The following GNAO1 variants were observed in gnomAD, a reference collection of about 807,000 sequenced individuals.
The protein encoded by GNAO1 is guanine nucleotide-binding protein G(o) subunit alpha.
For synonymous variants in GNAO1, 164 were observed against 180.7 expected (o/e 0.91, Z 0.74); for missense variants, 166 against 478.7 (o/e 0.35, Z 6.10).
intron 2 of GNAO1, among the ~76,000 whole-genome samples, chr16:56,206,506 C>T (rs563673342): frequency 2.6e-5 from 4 of 152,192 alleles, no homozygotes; most frequent in South Asian, 2.1e-4. Flanking sequence ...ATGGAAATTA[C>T]ATCAGTGGTT....
intron 3 of GNAO1, among the ~76,000 whole-genome samples, chr16:56,280,535 G>A (rs1409967444): frequency 6.6e-6 from 1 of 152,092 alleles, no homozygotes; most frequent in Non-Finnish European, 1.5e-5. Flanking sequence ...GGATGAAAGT[G>A]AAATTTTAGG....
intron 2 of GNAO1, among the ~76,000 whole-genome samples, chr16:56,272,258 G>A (rs780011834): frequency 6.6e-6 from 1 of 152,054 alleles, no homozygotes; most frequent in African/African-American, 2.4e-5. Context: ...GCAGTGAGCC[G>A]AGATTGCGCC....
rs1461121933 is a variant in GNAO1 at position 56,256,712 on chromosome 16, CTCTCTCTGTGTGTG to C, written c.162-19217_162-19204del. Among the ~76,000 whole-genome samples the C allele has an allele frequency of 9.5e-5, 11 of 116,022 alleles. No individual in the cohort carries two copies. The South Asian group carries it at 1.3e-3, about 14-fold the overall frequency. The allele number at this position is 116,022 out of a possible 152,430, so 76.1% of individuals were successfully genotyped here. A position where few individuals can be genotyped will look rare whatever the true frequency, so the allele number is the denominator to read the frequency against. On this transcript the variant is annotated intron_variant, in intron 2 of 8. Coordinates refer to ENST00000262493, the MANE Select transcript of GNAO1 (RefSeq NM_020988.3). ...TCTCTCTCTCTCTCTCTCTCTCTCT[CTCTCTCTGTGTGTG>C]TGTGTGTGTGTGTGTGTGTGTGTGT...
At position 56,328,675 on chromosome 16, in the gene GNAO1, C is replaced by T. The variant is rs745985192; in HGVS notation, c.348C>T (p.Asp116=). The change falls in exon 4 of 9, where the codon GAC becomes GAT. Residue 116 remains aspartate, a synonymous_variant. Transcript: ENST00000262493. Reference sequence around the variant, plus strand: ...GTGATGTGGTGAGTCGGATGGAAGACACCGAGCCCTTCTCTGCAGAGCTGC... The same window carrying T: ...GTGATGTGGTGAGTCGGATGGAAGATACCGAGCCCTTCTCTGCAGAGCTGC... ...MVCDVVSRME[D]TEPFSAELLS... The T allele has an allele frequency of 1.9e-6, 3 of 1,614,226 alleles. No homozygotes were observed. Among genetic ancestry groups the T allele is most frequent in the Non-Finnish European group, 2.5e-6 (3 of 1,180,016 alleles).
At chr16:56,255,986 A>T (rs2036842544) in intron 2 of GNAO1, among the ~76,000 whole-genome samples, 1 of 152,088 alleles carries the variant, frequency 6.6e-6, no homozygotes, top group Non-Finnish European at 1.5e-5. Context: ...GGCTCATGTG[A>T]TGTTCTGCTT....
At chr16:56,296,925 A>T (rs1202469641) in intron 3 of GNAO1, among the ~76,000 whole-genome samples, 1 of 152,128 alleles carries the variant, frequency 6.6e-6, no homozygotes, top group East Asian at 1.9e-4. Flanking sequence ...GGTATACATT[A>T]TTCAGGAGAG....
At position 56,336,872 on chromosome 16, in the gene GNAO1, G is replaced by A; in HGVS notation, c.723+12G>A. On this transcript the variant is annotated intron_variant, in intron 6 of 8. Transcript: ENST00000262493. The stretch of plus-strand genomic sequence containing the variant: ...AAGACGAAACCACGGTGAGTGGCCT[G>A]GGCCCCCCGGGCAGGGGGCAGCGCT... 1 of 1,604,754 alleles carries A rather than the reference G, an allele frequency of 6.2e-7. No individual in the cohort carries two copies. Among genetic ancestry groups the A allele is most frequent in the Non-Finnish European group, 8.5e-7 (1 of 1,177,492 alleles).
At chr16:56,317,107 T>A (rs561906042) in intron 3 of GNAO1, among the ~76,000 whole-genome samples, 1 of 152,186 alleles carries the variant, frequency 6.6e-6, no homozygotes, top group African/African-American at 2.4e-5. Flanking sequence ...GGAAAGAAAG[T>A]TAGGATCAAA....
At chr16:56,241,023 C>T (rs1328453599) in intron 2 of GNAO1, among the ~76,000 whole-genome samples, 3 of 152,182 alleles carry the variant, frequency 2.0e-5, no homozygotes, top group African/African-American at 7.2e-5. Context: ...TCTAGGGCTC[C>T]GTACTCTCTG....
intron 3 of GNAO1, among the ~76,000 whole-genome samples, chr16:56,292,338 G>A (rs187529778): frequency 1.1e-4 from 17 of 152,246 alleles, no homozygotes; most frequent in African/African-American, 3.4e-4. Context: ...TTTCTACCCT[G>A]TGGATAAAAT....
chr16:56,195,002 A>G (rs191983956), intron 2 of GNAO1, among the ~76,000 whole-genome samples: 65 of 151,850 alleles, frequency 4.3e-4, no homozygotes, highest in African/African-American at 1.4e-3. Flanking sequence ...GGAGGGGGGA[A>G]AATGAAGTGA....
chr16:56,306,609 A>G (rs554835258), intron 3 of GNAO1, among the ~76,000 whole-genome samples: 9 of 152,304 alleles, frequency 5.9e-5, no homozygotes, highest in Admixed American at 3.9e-4. Flanking sequence ...CCTCCACCTT[A>G]TGTTAAAGAT....
chr16:56,224,756 C>T (rs1475051858), intron 2 of GNAO1, among the ~76,000 whole-genome samples: 1 of 152,252 alleles, frequency 6.6e-6, no homozygotes, highest in Non-Finnish European at 1.5e-5. Flanking sequence ...CACGAGCCAC[C>T]GTGCCCGGCC....
chr16:56,236,724 G>A (rs1364221), intron 2 of GNAO1, among the ~76,000 whole-genome samples: 10,753 of 152,168 alleles, frequency 0.071, 410 homozygotes, highest in South Asian at 0.092. Flanking sequence ...GTTTCCAAAC[G>A]CAGTGATCCT....
intron 6 of GNAO1, chr16:56,345,110 T>G: frequency 2.0e-6 from 2 of 985,630 alleles, no homozygotes; most frequent in African/African-American, 1.7e-5. Context: ...GAGGCTTCAC[T>G]GCGGAGATCC....
chr16:56,221,593 T>A (rs567348566), intron 2 of GNAO1, among the ~76,000 whole-genome samples: 20 of 139,428 alleles, frequency 1.4e-4, no homozygotes, highest in African/African-American at 5.4e-4. Flanking sequence ...GAGGTTGCAG[T>A]GAGCCGAGAT....
chr16:56,355,874 GGGGA>G (rs1567498128), intron 8 of GNAO1: 2 of 152,052 alleles, frequency 1.3e-5, no homozygotes, highest in African/African-American at 4.8e-5. Flanking sequence ...CAGGCGTGGC[GGGGA>G]GGGCCGGACT....
At chr16:56,350,774 C>T (rs957387592) in intron 6 of GNAO1, among the ~76,000 whole-genome samples, 11 of 152,070 alleles carry the variant, frequency 7.2e-5, no homozygotes, top group African/African-American at 2.2e-4. Flanking sequence ...AGGAAGGGCC[C>T]GGAGTCTCTC....
chr16:56,266,345 T>C (rs2143496956), intron 2 of GNAO1, among the ~76,000 whole-genome samples: 1 of 152,332 alleles, frequency 6.6e-6, no homozygotes, highest in Admixed American at 6.5e-5. Flanking sequence ...GCAGCCTTTA[T>C]GCCTGGTAAA....
Sources: gnomAD v4.1 joint callset for allele counts (sites outside exome capture counted in the v4.1 genomes callset) on GRCh38, gnomAD v4.1.1 for gene constraint, MANE v1.5 for transcripts, NCBI Gene and HGNC (gene_info 2026-07-23, HGNC 2026-07-21) for gene names.